The following NTSR1 variants were observed in gnomAD, a reference collection of about 807,000 sequenced individuals.
NTSR1 encodes neurotensin receptor type 1.
Under a neutral mutation model 31.2 loss-of-function variants are expected in NTSR1, and 29 were observed. That is an observed-to-expected ratio of 0.93 (90% CI 0.69 to 1.27). The LOEUF is 1.27. NTSR1 is among the 50% of genes most tolerant of loss of function. The pLI is 0.00. For synonymous variants in NTSR1, 282 were observed against 269.9 expected (o/e 1.04, Z -0.44); for missense variants, 697 against 595.4 (o/e 1.17, Z -1.78).
chr20:62,759,667 C>T (rs914105493), intron 3 of NTSR1, among the ~76,000 whole-genome samples: 12 of 150,652 alleles, frequency 8.0e-5, no homozygotes, highest in South Asian at 2.1e-4. Flanking sequence ...CCCAGCTACT[C>T]GGGAGGCTGA....
chr20:62,733,899 G>A lies in NTSR1; in HGVS notation c.715-20786G>A, dbSNP rs1211922312. Among the ~76,000 whole-genome samples the A allele has an allele frequency of 6.6e-6, 1 of 152,186 alleles. No individual in the cohort carries two copies. Among genetic ancestry groups the A allele is most frequent in the Admixed American group, 6.5e-5 (1 of 15,288 alleles). On this transcript the variant is annotated intron_variant, in intron 1 of 3. Transcript: ENST00000370501. This position sits in a 1 kb window ranked among gnomAD's most constrained non-coding sequence, Gnocchi z 5.2. ...CAGCAGGGAGTAGTGACTGATGAAT[G>A]TATGATTGCTACTTTATCTCAATAG...
At chr20:62,754,340 C>G (rs6062548) in intron 1 of NTSR1, among the ~76,000 whole-genome samples, 1 of 152,044 alleles carries the variant, frequency 6.6e-6, no homozygotes, top group African/African-American at 2.4e-5. Context: ...GACCTGGGAA[C>G]CTAGAGCCTA....
Position 62,732,492 on chromosome 20 carries a change from T to A in NTSR1, c.715-22193T>A, listed in dbSNP as rs1331990773. ...CGCATGCCTGGAATAAATCCTGTGC[T>A]GTCTAATTCTTACCATGTAGCGCTG... is the stretch of plus-strand genomic sequence containing the variant. On this transcript the variant is annotated intron_variant, in intron 1 of 3. Transcript: ENST00000370501. This position sits in a 1 kb window ranked among gnomAD's most constrained non-coding sequence, Gnocchi z 4.0. 2.0e-5 allele frequency: 3 copies of A among 152,242 alleles called. No individual in the cohort carries two copies. Among genetic ancestry groups the A allele is most frequent in the Non-Finnish European group, 2.9e-5 (2 of 68,046 alleles). The allele number at this position is 152,242 out of a possible 1,614,324, so 9.4% of individuals were successfully genotyped here.
intron 1 of NTSR1, among the ~76,000 whole-genome samples, chr20:62,747,258 T>G (rs1989315870): frequency 1.3e-5 from 2 of 151,838 alleles, no homozygotes; most frequent in African/African-American, 4.8e-5. Context: ...AGGCCACGTA[T>G]GACAGACCCA....
intron 1 of NTSR1, among the ~76,000 whole-genome samples, chr20:62,735,915 G>A (rs963123950): frequency 6.6e-6 from 1 of 152,242 alleles, no homozygotes; most frequent in Non-Finnish European, 1.5e-5. Flanking sequence ...TTCCTCACGG[G>A]TTCAGCACTT....
chr20:62,708,956 C>T lies in NTSR1; in HGVS notation c.-252C>T, dbSNP rs2147128881. 6 of 410,574 alleles carry T rather than the reference C, an allele frequency of 1.5e-5. No homozygotes were observed. Among genetic ancestry groups the T allele is most frequent in the Non-Finnish European group, 2.6e-5 (6 of 233,984 alleles). 25.4% of individuals were successfully genotyped at this position (410,574 alleles called of 1,614,324 possible). On this transcript the variant is annotated 5_prime_UTR_variant, in exon 1 of 4. Coordinates refer to ENST00000370501, the MANE Select transcript of NTSR1 (RefSeq NM_002531.3). This position sits in a 1 kb window ranked among gnomAD's most constrained non-coding sequence, Gnocchi z 5.9. ...TGGCAAGCGCCGAGCCGGGAGACAGCCCGAGGAACCACGGGTTCTGGAGCT... is the reference window on the plus strand; with the variant it reads ...TGGCAAGCGCCGAGCCGGGAGACAGTCCGAGGAACCACGGGTTCTGGAGCT...
In NTSR1 at chr20:62,760,060, C is replaced by T. The variant is rs199992458; in HGVS notation, c.1050C>T (p.Asn350=). 463 of 1,614,038 alleles carry T rather than the reference C, an allele frequency of 2.9e-4. 7 individuals carry two copies. In the East Asian group the frequency reaches 9.4e-3, roughly 33 times the overall value. The change falls in exon 4 of 4, where the codon AAC becomes AAT. Residue 350 remains asparagine, a synonymous_variant. Transcript: ENST00000370501. ...ACCACTACTTCTACATGGTGACCAA[C>T]GCACTCTTCTACGTCAGCTCCACCA... ...DFYHYFYMVT[N]ALFYVSSTIN...
Position 62,726,962 on chromosome 20 carries a change from C to T in NTSR1, c.714+17041C>T, listed in dbSNP as rs528055549. 3.9e-5 allele frequency among the ~76,000 whole-genome samples: 6 copies of T among 152,328 alleles called. No homozygotes were observed. In the East Asian group the frequency reaches 1.2e-3, roughly 29 times the overall value. ...GGTGCACCTGTCCTCTGAGCCCCAT[C>T]TGGAAACTGCTTTGTGGACAACCGT... On this transcript the variant is annotated intron_variant, in intron 1 of 3. Coordinates refer to ENST00000370501, the MANE Select transcript of NTSR1 (RefSeq NM_002531.3).
In NTSR1 at chr20:62,741,725, G is replaced by A. The variant is rs556525887; in HGVS notation, c.715-12960G>A. ...GTGGGGCAGGCTCAGTCCCTGAGAG[G>A]TCGCCAAGGAGCCACAGCCTTGGAC... On this transcript the variant is annotated intron_variant, in intron 1 of 3. Transcript: ENST00000370501. The surrounding 1 kb of genome is among the most constrained non-coding windows in gnomAD (Gnocchi z 4.3). Among the ~76,000 whole-genome samples the A allele has an allele frequency of 2.7e-5, 4 of 149,830 alleles. 1 individual carries two copies. In the East Asian group the frequency reaches 8.9e-4, roughly 33 times the overall value.
chr20:62,737,279 C>CCACAGT (rs1568703878), intron 1 of NTSR1, among the ~76,000 whole-genome samples: 2 of 152,046 alleles, frequency 1.3e-5, no homozygotes. Flanking sequence ...TTGGCCACAG[C>CCACAGT]GGCCACAGTG....
Position 62,760,252 on chromosome 20 carries a change from C to A in NTSR1, c.1242C>A (p.Arg414=), listed in dbSNP as rs73918683. The change falls in exon 4 of 4, where the codon CGC becomes CGA. Residue 414 remains arginine, a synonymous_variant. Transcript: ENST00000370501. ...SNHTLSSNAT[R]ETLY Reference sequence around the variant, plus strand: ...ACACCCTCTCCAGCAATGCCACCCGCGAGACGCTGTACTAGGCTGTGCGCC... The same window carrying A: ...ACACCCTCTCCAGCAATGCCACCCGAGAGACGCTGTACTAGGCTGTGCGCC... 1 of 1,611,952 alleles carries A rather than the reference C, an allele frequency of 6.2e-7. No individual in the cohort carries two copies.
In NTSR1 at chr20:62,711,170, C is replaced by T. The variant is rs1988605196; in HGVS notation, c.714+1249C>T. Among the ~76,000 whole-genome samples, 2 of 152,108 alleles carry T rather than the reference C, an allele frequency of 1.3e-5. No individual in the cohort carries two copies. The highest frequency in any genetic ancestry group is 4.1e-4 in the South Asian group (2 of 4,824). The stretch of plus-strand genomic sequence containing the variant: ...GGGGGTGGAGGAGGGTAGAACTGAG[C>T]TCCCAGTCTCCCTGGCTGCACATAG... On this transcript the variant is annotated intron_variant, in intron 1 of 3. Coordinates refer to ENST00000370501, the MANE Select transcript of NTSR1 (RefSeq NM_002531.3). This position sits in a 1 kb window ranked among gnomAD's most constrained non-coding sequence, Gnocchi z 6.4.
At position 62,741,629 on chromosome 20, in the gene NTSR1, A is replaced by C. The variant is rs1022852206; in HGVS notation, c.715-13056A>C. Among the ~76,000 whole-genome samples the C allele has an allele frequency of 1.5e-4, 23 of 149,556 alleles. 3 individuals are homozygous for C. The highest frequency in any genetic ancestry group is 5.5e-4 in the African/African-American group (22 of 40,078). ...TCCCTGGGGCTCTGGCATTCTCTTG[A>C]GCCTTTCCCAGAAATTCCAAACCAG... On this transcript the variant is annotated intron_variant, in intron 1 of 3. Transcript: ENST00000370501. The surrounding 1 kb of genome is among the most constrained non-coding windows in gnomAD (Gnocchi z 4.3).
chr20:62,738,936 T>A (rs1470830561), intron 1 of NTSR1, among the ~76,000 whole-genome samples: 1 of 152,206 alleles, frequency 6.6e-6, no homozygotes, highest in Non-Finnish European at 1.5e-5. Flanking sequence ...GCTGCCTTGT[T>A]CTTGACTCTA....
chr20:62,735,752 A>G (rs1266375147), intron 1 of NTSR1, among the ~76,000 whole-genome samples: 3 of 152,164 alleles, frequency 2.0e-5, no homozygotes, highest in Non-Finnish European at 2.9e-5. Flanking sequence ...GCTGGCGTGC[A>G]GGGAAGTAGG....
chr20:62,713,832 G>T (rs990754674), intron 1 of NTSR1, among the ~76,000 whole-genome samples: 5 of 152,226 alleles, frequency 3.3e-5, no homozygotes, highest in Admixed American at 1.3e-4. Flanking sequence ...GGGCGTGGTG[G>T]CTCACACCTG....
rs151261889 is a variant in NTSR1 at position 62,720,501 on chromosome 20, C to A, written c.714+10580C>A. Among the ~76,000 whole-genome samples the A allele has an allele frequency of 2.6e-5, 4 of 152,218 alleles. No homozygotes were observed. In the East Asian group the frequency reaches 7.7e-4, roughly 29 times the overall value. On this transcript the variant is annotated intron_variant, in intron 1 of 3. Coordinates refer to ENST00000370501, the MANE Select transcript of NTSR1 (RefSeq NM_002531.3). ...AGTAATAGTGTCTCCTTGTTCATTT[C>A]TAATATTGGTAATCTGTGACTTCTC...
intron 2 of NTSR1, chr20:62,756,780 A>T (rs1001615939): frequency 1.3e-5 from 2 of 152,246 alleles, no homozygotes; most frequent in African/African-American, 4.8e-5. Flanking sequence ...AATAGTAGCC[A>T]TCCTAATAGA....
Position 62,758,473 on chromosome 20 carries a change from C to T in NTSR1, c.1007+117C>T. On this transcript the variant is annotated intron_variant, in intron 3 of 3. Coordinates refer to ENST00000370501, the MANE Select transcript of NTSR1 (RefSeq NM_002531.3). This position sits in a 1 kb window ranked among gnomAD's most constrained non-coding sequence, Gnocchi z 4.5. Reference sequence around the variant, plus strand: ...CTCAGGGCAGGGGTGTGGTGAGTCCCCCGGCGACCCCCTGGGCAGGGTTGT... The same window carrying T: ...CTCAGGGCAGGGGTGTGGTGAGTCCTCCGGCGACCCCCTGGGCAGGGTTGT... 1.1e-6 allele frequency: 1 copy of T among 872,298 alleles called. No homozygotes were observed. The highest frequency in any genetic ancestry group is 1.8e-6 in the Non-Finnish European group (1 of 549,296). The allele number at this position is 872,298 out of a possible 1,614,324, so 54.0% of individuals were successfully genotyped here.
Sources: gnomAD v4.1 joint callset for allele counts (sites outside exome capture counted in the v4.1 genomes callset) on GRCh38, gnomAD v4.1.1 for gene constraint, Gnocchi (gnomAD v3.1) non-coding constraint, MANE v1.5 for transcripts, NCBI Gene and HGNC (gene_info 2026-07-23, HGNC 2026-07-21) for gene names.